The following SPIDR variants were observed in gnomAD, a reference collection of about 807,000 sequenced individuals.
SPIDR encodes DNA repair-scaffolding protein.
SPIDR carries 93 observed loss-of-function variants against 104.6 expected under a neutral mutation model. The observed-to-expected ratio is 0.89, with a 90% confidence interval of 0.75 to 1.06. The LOEUF (loss-of-function observed/expected upper bound fraction) is 1.06. SPIDR is among the 50% of genes least tolerant of loss of function. The probability of loss-of-function intolerance (pLI) is 0.00; values close to 1 mark genes in which losing one functional copy is unlikely to be tolerated. For synonymous variants in SPIDR, 431 were observed against 416.9 expected, an observed-to-expected ratio of 1.03 and a Z score of -0.41; for missense variants, 1,154 against 1,111.2, an observed-to-expected ratio of 1.04 and a Z score of -0.55.
At position 47,384,287 on chromosome 8, in the gene SPIDR, G is replaced by A. The variant is rs377189887; in HGVS notation, c.526-12089G>A. On this transcript the variant is annotated intron_variant, in intron 5 of 19. Transcript: ENST00000297423. ...TGTTCTTGTGTAGTTGTATATGTAC[G>A]TTTTTGTTAGCCTTTGAAAAAGTAT... Among the ~76,000 whole-genome samples, 590 of 152,210 alleles carry A rather than the reference G, an allele frequency of 3.9e-3. 4 individuals are homozygous for A. The highest frequency in any genetic ancestry group is 0.022 in the South Asian group (108 of 4,822).
At chr8:47,392,436 A>T (rs2060712189) in intron 5 of SPIDR, among the ~76,000 whole-genome samples, 1 of 152,216 alleles carries the variant, frequency 6.6e-6, no homozygotes, top group African/African-American at 2.4e-5. Context: ...GGGTATAAGG[A>T]TGCAAGAGCA....
intron 3 of SPIDR, among the ~76,000 whole-genome samples, chr8:47,286,350 T>C (rs1157554036): frequency 1.3e-5 from 2 of 152,062 alleles, no homozygotes; most frequent in African/African-American, 4.8e-5. Context: ...ACTCATAACA[T>C]AGAAACTGTA....
intron 6 of SPIDR, among the ~76,000 whole-genome samples, chr8:47,398,090 T>C (rs2061445080): frequency 6.6e-6 from 1 of 152,054 alleles, no homozygotes; most frequent in South Asian, 2.1e-4. Context: ...AGCGAAGAAG[T>C]TGTGGCCTCA....
intron 11 of SPIDR, among the ~76,000 whole-genome samples, chr8:47,686,106 T>G (rs1040769543): frequency 1.3e-5 from 2 of 152,092 alleles, no homozygotes; most frequent in African/African-American, 4.8e-5. Flanking sequence ...GGTGGATGAG[T>G]TGGGCCACCA....
intron 11 of SPIDR, among the ~76,000 whole-genome samples, chr8:47,681,925 T>C (rs2154475721): frequency 6.6e-6 from 1 of 152,322 alleles, no homozygotes; most frequent in South Asian, 2.1e-4. Flanking sequence ...AGTTTTAGTT[T>C]CTTCATTTTA....
intron 8 of SPIDR, among the ~76,000 whole-genome samples, chr8:47,561,610 T>TTTTTGC (rs2057085528): frequency 3.9e-5 from 6 of 152,216 alleles, no homozygotes; most frequent in African/African-American, 1.4e-4. Context: ...TTTTGCCTCC[T>TTTTTGC]CTGTACCTTT....
intron 8 of SPIDR, among the ~76,000 whole-genome samples, chr8:47,522,607 G>A (rs2154381123): frequency 6.6e-6 from 1 of 152,254 alleles, no homozygotes; most frequent in East Asian, 1.9e-4. Context: ...GGGTTCAAAT[G>A]TGTTCCTACC....
intron 10 of SPIDR, among the ~76,000 whole-genome samples, chr8:47,635,822 C>G (rs1042079440): frequency 1.3e-5 from 2 of 152,340 alleles, no homozygotes; most frequent in Non-Finnish European, 2.9e-5. Context: ...AGCTGACATG[C>G]TTACCTGCTT....
intron 10 of SPIDR, among the ~76,000 whole-genome samples, chr8:47,612,626 C>G (rs2063742800): frequency 2.0e-5 from 3 of 152,090 alleles, no homozygotes; most frequent in African/African-American, 7.2e-5. Flanking sequence ...AATATCTGGT[C>G]TCTGTTTTAT....
chr8:47,279,471 C>T (rs2037280121), intron 1 of SPIDR: 2 of 160,630 alleles, frequency 1.2e-5, no homozygotes, highest in African/African-American at 4.8e-5. Context: ...TTCAGGCGCT[C>T]TTCTCAGTTC....
chr8:47,559,908 A>C (rs2056850386), intron 8 of SPIDR, among the ~76,000 whole-genome samples: 1 of 152,240 alleles, frequency 6.6e-6, no homozygotes, highest in Admixed American at 6.5e-5. Context: ...AATTTGTGAA[A>C]GACGACCTGC....
chr8:47,277,340 GTTAT>G (rs1554554809), intron 1 of SPIDR, among the ~76,000 whole-genome samples: 156 of 147,404 alleles, frequency 1.1e-3, no homozygotes, highest in Middle Eastern at 3.5e-3. Context: ...GTTATGTTAT[GTTAT>G]GTTATGTTAT....
chr8:47,727,695 C>T (rs1478523429), intron 17 of SPIDR, among the ~76,000 whole-genome samples: 1 of 152,220 alleles, frequency 6.6e-6, no homozygotes, highest in Non-Finnish European at 1.5e-5. Flanking sequence ...CTGCCCACCC[C>T]ACTATGCTGC....
intron 8 of SPIDR, among the ~76,000 whole-genome samples, chr8:47,583,521 G>A (rs1352089339): frequency 6.6e-6 from 1 of 152,106 alleles, no homozygotes; most frequent in Non-Finnish European, 1.5e-5. Context: ...TATAACATTT[G>A]TGACAATGAG....
intron 5 of SPIDR, among the ~76,000 whole-genome samples, chr8:47,380,803 T>C (rs2154300138): frequency 6.6e-6 from 1 of 152,256 alleles, no homozygotes; most frequent in African/African-American, 2.4e-5. Context: ...TTTCCTTGAA[T>C]GTATGAGAAA....
intron 8 of SPIDR, among the ~76,000 whole-genome samples, chr8:47,473,453 G>A (rs537404381): frequency 6.5e-4 from 99 of 152,248 alleles, no homozygotes; most frequent in Non-Finnish European, 1.2e-3. Flanking sequence ...CGCTTTGTGG[G>A]CTCTGTGAAT....
chr8:47,443,535 C>T (rs538893695), intron 8 of SPIDR, among the ~76,000 whole-genome samples: 1 of 127,946 alleles, frequency 7.8e-6, no homozygotes, highest in Admixed American at 9.3e-5. Context: ...TGCACCACTG[C>T]ATTCCAGCCT....
chr8:47,424,988 C>T (rs1008403180), intron 7 of SPIDR, among the ~76,000 whole-genome samples: 1 of 152,150 alleles, frequency 6.6e-6, no homozygotes. Flanking sequence ...ACTGCCTATT[C>T]TTAAGCAAGA....
At chr8:47,287,610 T>C (rs2039107216) in intron 3 of SPIDR, among the ~76,000 whole-genome samples, 1 of 152,156 alleles carries the variant, frequency 6.6e-6, no homozygotes, top group Non-Finnish European at 1.5e-5. Context: ...GGGAAAAGAA[T>C]TTAGCAATAT....
Sources: allele counts gnomAD v4.1 joint callset (sites outside exome capture counted in the v4.1 genomes callset), GRCh38; gene constraint gnomAD v4.1.1; transcripts MANE v1.5; gene names NCBI Gene and HGNC (gene_info 2026-07-23, HGNC 2026-07-21).